PDE12: variants seen among roughly 807,000 people sequenced by gnomAD.
PDE12 encodes the protein 2',5'-phosphodiesterase 12.
PDE12 carries 26 observed loss-of-function variants against 45.4 expected under a neutral mutation model. That is an observed-to-expected ratio of 0.57 (90% confidence interval 0.42 to 0.79). The LOEUF (loss-of-function observed/expected upper bound fraction) is 0.79, where lower values mean the gene tolerates loss of function less well. Among genes scored for constraint, PDE12 ranks in the 30% least tolerant of loss-of-function variants. PDE12 has a pLI of 0.00. For synonymous variants in PDE12, 283 were observed against 323.9 expected (o/e 0.87, Z 1.36); for missense variants, 668 against 790.0 (o/e 0.85, Z 1.85).
rs2069679900 is a variant in PDE12, at chr3:57,557,544, T to C, written c.1165T>C (p.Ser389Pro). ...AGGCCTGGCCACTTTCTACCGAAAG[T>C]CTAAGTTCAGCCTTCTTAGCCAGCA... is the stretch of plus-strand genomic sequence containing the variant. ...HEGLATFYRKSKFSLLSQHDI... is the reference protein window; with the variant it reads ...HEGLATFYRKPKFSLLSQHDI... Residue 389 changes from serine (S) to proline (P), a missense_variant, in exon 1 of 3, where the codon TCT becomes CCT. Physicochemically the swap from Ser to Pro is moderately conservative, Grantham distance 74. Coordinates refer to ENST00000311180, the MANE Select transcript of PDE12 (RefSeq NM_177966.7). 6.2e-7 allele frequency: 1 copy of C among 1,613,904 alleles called. No homozygotes were observed. The highest frequency in any genetic ancestry group is 1.7e-5 in the Admixed American group (1 of 59,982).
the PDE12 span, among the ~76,000 whole-genome samples, chr3:57,593,237 A>G: frequency 1.3e-5 from 2 of 152,156 alleles, no homozygotes; most frequent in African/African-American, 4.8e-5. Flanking sequence ...AATAAGGCTG[A>G]GAGTAAATAT....
rs1193337295 is a variant in PDE12 at position 57,556,471 on chromosome 3, C to A, written c.92C>A (p.Ala31Glu). The A allele has an allele frequency of 6.2e-7, 1 of 1,611,836 alleles. No homozygotes were observed. Among genetic ancestry groups the A allele is most frequent in the Non-Finnish European group, 8.5e-7 (1 of 1,179,226 alleles). ...LSRAEAGSQTAAGAMERAVVR... is the reference protein window; with the variant it reads ...LSRAEAGSQTEAGAMERAVVR... ...CGGGCTGAAGCGGGGAGCCAGACAG[C>A]GGCGGGAGCGATGGAGCGCGCTGTA... is the stretch of plus-strand genomic sequence containing the variant. The change falls in exon 1 of 3, where the codon GCG becomes GAG. Residue 31 changes from alanine (A) to glutamate (E), a missense_variant. By Grantham distance (107) the Ala-to-Glu change is moderately radical. Around this residue, in one of 3 missense-constraint regions of PDE12, gnomAD observed 580 missense variants for 662.9 expected, o/e 0.87. Transcript: ENST00000311180. This position sits in a 1 kb window ranked among gnomAD's most constrained non-coding sequence, Gnocchi z 5.0.
At chr3:57,615,712 G>C in the PDE12 span, among the ~76,000 whole-genome samples, 1 of 152,056 alleles carries the variant, frequency 6.6e-6, no homozygotes, top group South Asian at 2.1e-4. Flanking sequence ...GCTGAGGCAG[G>C]AGAATTGCTT....
chr3:57,642,760 T>G, the PDE12 span, among the ~76,000 whole-genome samples: 1 of 151,806 alleles, frequency 6.6e-6, no homozygotes, highest in East Asian at 1.9e-4. Flanking sequence ...ATCCCAGCCC[T>G]TTGGGAAGGC....
the PDE12 span, among the ~76,000 whole-genome samples, chr3:57,615,480 A>G: frequency 6.6e-6 from 1 of 152,116 alleles, no homozygotes; most frequent in Non-Finnish European, 1.5e-5. Context: ...GAAAATTAAA[A>G]CCAAAGTAAA....
At chr3:57,601,966 G>T in the PDE12 span, among the ~76,000 whole-genome samples, 9 of 151,656 alleles carry the variant, frequency 5.9e-5, no homozygotes, top group African/African-American at 2.2e-4. Context: ...TGTTGACCAG[G>T]CTGGTCTTGA....
the PDE12 span, among the ~76,000 whole-genome samples, chr3:57,643,661 C>T: frequency 1.3e-5 from 2 of 151,524 alleles, no homozygotes; most frequent in African/African-American, 4.8e-5. Context: ...ACCCCATCTC[C>T]ACTAAAAATA....
At chr3:57,628,261 A>G in the PDE12 span, 2 of 1,614,156 alleles carry the variant, frequency 1.2e-6, no homozygotes, top group South Asian at 1.1e-5. Context: ...TCCTCTGGCA[A>G]TGCTAAGATA....
At chr3:57,610,046 A>T in the PDE12 span, among the ~76,000 whole-genome samples, 1 of 152,160 alleles carries the variant, frequency 6.6e-6, no homozygotes, top group Non-Finnish European at 1.5e-5. Context: ...ATAATCAAGT[A>T]GGCTTCATCC....
At chr3:57,634,792 T>C in the PDE12 span, 1 of 1,520,304 alleles carries the variant, frequency 6.6e-7, no homozygotes, top group Non-Finnish European at 8.8e-7. Context: ...GCATAAAGAT[T>C]TTTATAATTA....
Position 57,556,405 on chromosome 3 carries a change from C to T in PDE12, c.26C>T (p.Ala9Val). 1 of 1,600,190 alleles carries T rather than the reference C, an allele frequency of 6.2e-7. No homozygotes were observed. The highest frequency in any genetic ancestry group is 8.5e-7 in the Non-Finnish European group (1 of 1,173,772). Residue 9 changes from alanine (A) to valine (V), a missense_variant, in exon 1 of 3, where the codon GCC becomes GTC. Coordinates refer to ENST00000311180, the MANE Select transcript of PDE12 (RefSeq NM_177966.7). This position sits in a 1 kb window ranked among gnomAD's most constrained non-coding sequence, Gnocchi z 5.0. ...ATGTGGAGGCTCCCAGGCGCCCGCG[C>T]CGCGCTTCGGGTGATCCGGACGGCG... is the stretch of plus-strand genomic sequence containing the variant. MWRLPGAR[A>V]ALRVIRTAVE...
chr3:57,654,500 A>C, the PDE12 span: 2 of 451,180 alleles, frequency 4.4e-6, no homozygotes, highest in Non-Finnish European at 5.9e-6. Context: ...GGAACAGGGG[A>C]GAGAAGCAGG....
the PDE12 span, among the ~76,000 whole-genome samples, chr3:57,596,406 T>C: frequency 1.3e-5 from 2 of 152,032 alleles, no homozygotes. Context: ...TTTTTGAAAA[T>C]AGTCAAAGAA....
chr3:57,611,392 TTAAAC>T, the PDE12 span, among the ~76,000 whole-genome samples: 15 of 152,216 alleles, frequency 9.9e-5, no homozygotes, highest in East Asian at 1.7e-3. Flanking sequence ...TGGGATCTAA[TTAAAC>T]TAAAGAGCTT....
intron 2 of PDE12, 82 bp from the exon 3 acceptor site, chr3:57,559,480 G>C: frequency 1.9e-6 from 3 of 1,559,068 alleles, no homozygotes; most frequent in Admixed American, 1.9e-5. Flanking sequence ...GTCACCCAGA[G>C]ACTGTAATTT....
At chr3:57,608,890 A>G in the PDE12 span, among the ~76,000 whole-genome samples, 2 of 152,314 alleles carry the variant, frequency 1.3e-5, no homozygotes, top group South Asian at 4.2e-4. Flanking sequence ...AAGTGGACCT[A>G]ATAGACATCT....
At chr3:57,586,252 C>T in the PDE12 span, among the ~76,000 whole-genome samples, 2 of 151,800 alleles carry the variant, frequency 1.3e-5, no homozygotes, top group Non-Finnish European at 2.9e-5. Flanking sequence ...ATTTTTGTAT[C>T]GATTCAATCA....
At chr3:57,645,767 G>C in the PDE12 span, 2 of 1,592,040 alleles carry the variant, frequency 1.3e-6, no homozygotes, top group East Asian at 2.2e-5. Context: ...CTGTGGAGCA[G>C]GAAGAACATG....
At chr3:57,582,036 ATT>A in the PDE12 span, among the ~76,000 whole-genome samples, 2 of 152,208 alleles carry the variant, frequency 1.3e-5, no homozygotes, top group African/African-American at 4.8e-5. Flanking sequence ...GGATTTCTGG[ATT>A]TAGAATGCTC....
Sources: gnomAD v4.1 joint callset for allele counts (sites outside exome capture counted in the v4.1 genomes callset) on GRCh38, gnomAD v4.1.1 for gene constraint, gnomAD v4.1.1 regional missense constraint, Gnocchi (gnomAD v3.1) non-coding constraint, MANE v1.5 for transcripts, NCBI Gene and HGNC (gene_info 2026-07-23, HGNC 2026-07-21) for gene names.